The following TPRG1 variants were observed in gnomAD, a reference collection of about 807,000 sequenced individuals.
TPRG1 encodes tumor protein p63-regulated gene 1 protein.
In TPRG1, 29 loss-of-function variants were observed where a neutral mutation model predicts 29.3. The ratio of observed to expected loss-of-function variants is 0.99; its 90% CI spans 0.74 to 1.35. TPRG1 has a LOEUF of 1.35. TPRG1 is among the 40% of genes most tolerant of loss of function. The probability of loss-of-function intolerance (pLI) is 0.00; values close to 1 mark genes in which losing one functional copy is unlikely to be tolerated. For synonymous variants in TPRG1, 130 were observed against 116.8 expected (o/e 1.11, Z -0.73); for missense variants, 327 against 335.0 (o/e 0.98, Z 0.19).
chr3:189,162,400 G>A (rs901883728), intron 5 of TPRG1, among the ~76,000 whole-genome samples: 1 of 152,196 alleles, frequency 6.6e-6, no homozygotes, highest in Non-Finnish European at 1.5e-5. Context: ...ACAAAGAAAC[G>A]ATGGGGAATA....
At chr3:189,118,592 C>T (rs536663011) in intron 1 of TPRG1, among the ~76,000 whole-genome samples, 1 of 152,182 alleles carries the variant, frequency 6.6e-6, no homozygotes, top group South Asian at 2.1e-4. Flanking sequence ...GGCCCAGGGA[C>T]CCCTGCAGCC....
chr3:189,181,076 C>T (rs946954438), intron 1 of TPRG1, among the ~76,000 whole-genome samples: 1 of 152,184 alleles, frequency 6.6e-6, no homozygotes, highest in Non-Finnish European at 1.5e-5. Context: ...CCCTTTCAGC[C>T]ATGGCTGGAG....
upstream of TPRG1, among the ~76,000 whole-genome samples, chr3:189,170,822 C>T (rs561751277): frequency 1.3e-5 from 2 of 152,286 alleles, no homozygotes; most frequent in African/African-American, 4.8e-5. Flanking sequence ...ATTCCTGGAA[C>T]TTTAAACAAC....
At chr3:189,101,797 TA>T (rs1387354434) in intron 1 of TPRG1, among the ~76,000 whole-genome samples, 5 of 150,494 alleles carry the variant, frequency 3.3e-5, no homozygotes, top group Admixed American at 2.7e-4. Flanking sequence ...TAATAATAAA[TA>T]AATAATAATA....
At chr3:189,081,685 G>A (rs1001739402) in intron 4 of TPRG1, among the ~76,000 whole-genome samples, 5 of 152,176 alleles carry the variant, frequency 3.3e-5, no homozygotes, top group Non-Finnish European at 1.5e-5. Flanking sequence ...ATGTAATGAT[G>A]TATTTCTTTC....
chr3:189,134,403 C>CTTT (rs56318082), intron 3 of TPRG1, among the ~76,000 whole-genome samples: 18 of 121,150 alleles, frequency 1.5e-4, no homozygotes, highest in Middle Eastern at 3.8e-3. Flanking sequence ...TGGGGGTATC[C>CTTT]TTTTTTTTTT....
chr3:189,272,732 C>CTTCCTTCG (rs1715429849), intron 4 of TPRG1, among the ~76,000 whole-genome samples: 1 of 139,680 alleles, frequency 7.2e-6, no homozygotes. Flanking sequence ...TCCTTCCTTC[C>CTTCCTTCG]TTCCTTCCTT....
chr3:189,221,716 T>G (rs967581775), intron 3 of TPRG1, among the ~76,000 whole-genome samples: 6 of 152,240 alleles, frequency 3.9e-5, no homozygotes, highest in African/African-American at 1.4e-4. Flanking sequence ...GGTTGCCTCT[T>G]TAAGTATCCT....
intron 4 of TPRG1, among the ~76,000 whole-genome samples, chr3:189,063,863 C>T (rs959572228): frequency 6.6e-6 from 1 of 151,970 alleles, no homozygotes; most frequent in Non-Finnish European, 1.5e-5. Flanking sequence ...ATTAGAAGAG[C>T]TTTTAGGACT....
intron 2 of TPRG1, among the ~76,000 whole-genome samples, chr3:189,003,667 G>T (rs919301864): frequency 6.6e-6 from 1 of 152,016 alleles, no homozygotes; most frequent in African/African-American, 2.4e-5. Context: ...TATGACTAGA[G>T]ATTTAGTTTT....
intron 4 of TPRG1, among the ~76,000 whole-genome samples, chr3:189,088,910 G>A (rs1718143996): frequency 6.6e-6 from 1 of 152,092 alleles, no homozygotes; most frequent in Admixed American, 6.6e-5. Context: ...GTCACTCCAA[G>A]CCCTAATGCT....
intron 4 of TPRG1, among the ~76,000 whole-genome samples, chr3:189,254,980 T>C (rs1273168571): frequency 6.6e-6 from 1 of 152,202 alleles, no homozygotes; most frequent in African/African-American, 2.4e-5. Flanking sequence ...AGAGATAATT[T>C]GACTTCCTCT....
intron 3 of TPRG1, among the ~76,000 whole-genome samples, chr3:189,224,143 A>C (rs551294332): frequency 5.3e-5 from 8 of 152,244 alleles, no homozygotes; most frequent in Non-Finnish European, 1.0e-4. Context: ...GAAGACATCA[A>C]GATTTTAAAA....
At chr3:189,116,921 A>T (rs1310714342) in intron 1 of TPRG1, among the ~76,000 whole-genome samples, 1 of 152,214 alleles carries the variant, frequency 6.6e-6, no homozygotes, top group Non-Finnish European at 1.5e-5. Context: ...TAAAGATGGT[A>T]CATTTTATGT....
intron 4 of TPRG1, among the ~76,000 whole-genome samples, chr3:189,077,429 TAACA>T (rs1267533921): frequency 6.6e-6 from 1 of 152,006 alleles, no homozygotes. Context: ...TTTGCCTAAC[TAACA>T]GTTAGGCAAA....
chr3:189,058,700 A>G (rs1269537440), intron 4 of TPRG1, among the ~76,000 whole-genome samples: 3 of 152,216 alleles, frequency 2.0e-5, no homozygotes, highest in Non-Finnish European at 4.4e-5. Flanking sequence ...TTAGGAAAGC[A>G]GTGGGTTGTC....
At chr3:189,187,530 G>T (rs1298229725) in intron 1 of TPRG1, among the ~76,000 whole-genome samples, 1 of 150,222 alleles carries the variant, frequency 6.7e-6, no homozygotes, top group South Asian at 2.1e-4. Flanking sequence ...TATTGGTCAG[G>T]CTGGTCTCAA....
At chr3:189,135,744 G>A (rs1420587446) in intron 3 of TPRG1, among the ~76,000 whole-genome samples, 1 of 152,144 alleles carries the variant, frequency 6.6e-6, no homozygotes, top group African/African-American at 2.4e-5. Context: ...GCATCTTCTG[G>A]AAAATGCTAG....
chr3:189,141,341 T>A (rs1724527225), intron 3 of TPRG1, among the ~76,000 whole-genome samples: 1 of 151,346 alleles, frequency 6.6e-6, no homozygotes, highest in Non-Finnish European at 1.5e-5. Flanking sequence ...CAGGGGAAAA[T>A]GGAGGGGAAG....
Sources: gnomAD v4.1 joint callset for allele counts (sites outside exome capture counted in the v4.1 genomes callset) on GRCh38, gnomAD v4.1.1 for gene constraint, MANE v1.5 for transcripts, NCBI Gene and HGNC (gene_info 2026-07-23, HGNC 2026-07-21) for gene names.